Variants in NKAIN2 observed in about 807,000 individuals in gnomAD.
NKAIN2 encodes the protein sodium/potassium-transporting ATPase subunit beta-1-interacting protein 2.
A neutral mutation model predicts 32.6 loss-of-function variants in NKAIN2; 14 were observed. The ratio of observed to expected loss-of-function variants is 0.43; its 90% CI spans 0.28 to 0.67. The LOEUF (loss-of-function observed/expected upper bound fraction) is 0.67. Ranked by LOEUF, NKAIN2 falls within the 30% of genes least tolerant of loss-of-function variation. The probability of loss-of-function intolerance (pLI) is 0.17; values close to 1 mark genes in which losing one functional copy is unlikely to be tolerated. For synonymous variants in NKAIN2, 80 were observed against 87.2 expected, an observed-to-expected ratio of 0.92 and a Z score of 0.46; for missense variants, 198 against 258.3, an observed-to-expected ratio of 0.77 and a Z score of 1.60.
At chr6:124,618,120 T>C (rs996089432) in intron 3 of NKAIN2, among the ~76,000 whole-genome samples, 4 of 152,256 alleles carry the variant, frequency 2.6e-5, no homozygotes, top group South Asian at 2.1e-4. Flanking sequence ...AATTCTATAA[T>C]AATTTTTAGT....
chr6:124,524,667 C>T (rs954309811), intron 3 of NKAIN2, among the ~76,000 whole-genome samples: 7 of 152,158 alleles, frequency 4.6e-5, no homozygotes, highest in African/African-American at 1.7e-4. Flanking sequence ...AAGGAAATAT[C>T]CCAAACTGAC....
intron 4 of NKAIN2, among the ~76,000 whole-genome samples, chr6:124,705,802 G>C (rs1046853326): frequency 2.0e-5 from 3 of 151,980 alleles, no homozygotes; most frequent in Non-Finnish European, 4.4e-5. Context: ...AAAATAGTAC[G>C]GGTTAGAAAA....
intron 1 of NKAIN2, among the ~76,000 whole-genome samples, chr6:123,981,021 C>T (rs1778870603): frequency 6.6e-6 from 1 of 152,154 alleles, no homozygotes; most frequent in South Asian, 2.1e-4. Context: ...AGGCACGCAC[C>T]ACCATGCCCG....
At chr6:124,599,664 A>G (rs1410187473) in intron 3 of NKAIN2, among the ~76,000 whole-genome samples, 1 of 152,158 alleles carries the variant, frequency 6.6e-6, no homozygotes, top group East Asian at 1.9e-4. Flanking sequence ...TCGTTTTTAT[A>G]AAAGGTGCTC....
intron 4 of NKAIN2, among the ~76,000 whole-genome samples, chr6:124,753,448 CA>C (rs1184202394): frequency 2.0e-5 from 3 of 152,112 alleles, no homozygotes; most frequent in Non-Finnish European, 4.4e-5. Flanking sequence ...GCTTTTTACG[CA>C]TGCCATTTAC....
At position 124,605,919 on chromosome 6, in the gene NKAIN2, C is replaced by T. The variant is rs982055458; in HGVS notation, c.274-52267C>T. 3.3e-5 allele frequency among the ~76,000 whole-genome samples: 5 copies of T among 152,074 alleles called. No individual in the cohort carries two copies. The South Asian group carries it at 6.2e-4, about 19-fold the overall frequency. ...TTAGTGGAATTACTATAGCAGAGAGCGCAAGGCCACCTGTGCCTCCAATGG... is the reference window on the plus strand; with the variant it reads ...TTAGTGGAATTACTATAGCAGAGAGTGCAAGGCCACCTGTGCCTCCAATGG... On this transcript the variant is annotated intron_variant, in intron 3 of 6. Coordinates refer to ENST00000368417, the MANE Select transcript of NKAIN2 (RefSeq NM_001040214.3).
At chr6:123,818,744 T>C (rs1179688828) in intron 1 of NKAIN2, among the ~76,000 whole-genome samples, 1 of 152,214 alleles carries the variant, frequency 6.6e-6, no homozygotes, top group Non-Finnish European at 1.5e-5. Flanking sequence ...TTAAATTGCC[T>C]TTCTCTGGAA....
intron 1 of NKAIN2, among the ~76,000 whole-genome samples, chr6:123,879,351 T>C (rs1475298098): frequency 6.6e-6 from 1 of 152,252 alleles, no homozygotes; most frequent in Non-Finnish European, 1.5e-5. Flanking sequence ...TGATCCATAA[T>C]GCAGAATTTC....
intron 1 of NKAIN2, among the ~76,000 whole-genome samples, chr6:123,946,149 A>G (rs1777052658): frequency 6.6e-6 from 1 of 152,176 alleles, no homozygotes; most frequent in Non-Finnish European, 1.5e-5. Context: ...CTAGTCTGCT[A>G]GGTTAATGAG....
chr6:124,105,654 T>C (rs893376474), intron 1 of NKAIN2, among the ~76,000 whole-genome samples: 2 of 152,204 alleles, frequency 1.3e-5, no homozygotes, highest in African/African-American at 4.8e-5. Context: ...GCCAGTCATC[T>C]CCAGTGTTGT....
chr6:124,801,526 T>C (rs1780254979), intron 5 of NKAIN2, among the ~76,000 whole-genome samples: 1 of 152,216 alleles, frequency 6.6e-6, no homozygotes, highest in South Asian at 2.1e-4. Context: ...TTCACTGTGA[T>C]ACCTGAGAGA....
chr6:123,897,114 A>G (rs981026989), intron 1 of NKAIN2, among the ~76,000 whole-genome samples: 1 of 152,126 alleles, frequency 6.6e-6, no homozygotes, highest in Non-Finnish European at 1.5e-5. Flanking sequence ...TAGTAGCTAT[A>G]TCAGTCTGCA....
intron 1 of NKAIN2, among the ~76,000 whole-genome samples, chr6:123,885,045 G>A (rs544071587): frequency 6.6e-6 from 1 of 152,238 alleles, no homozygotes; most frequent in African/African-American, 2.4e-5. Flanking sequence ...AGTTTTAAGA[G>A]ACAGAAAGAA....
intron 1 of NKAIN2, among the ~76,000 whole-genome samples, chr6:124,257,871 A>G (rs1794025298): frequency 6.8e-6 from 1 of 147,918 alleles, no homozygotes; most frequent in Admixed American, 6.9e-5. Flanking sequence ...ATTTGCCTCC[A>G]GGGTTCAAGT....
chr6:124,806,951 T>C (rs1266219554), intron 5 of NKAIN2, among the ~76,000 whole-genome samples: 7 of 152,186 alleles, frequency 4.6e-5, no homozygotes, highest in Non-Finnish European at 1.0e-4. Context: ...ATCCTAAATA[T>C]ATATGCATCC....
chr6:124,197,837 GT>G (rs71541243), intron 1 of NKAIN2, among the ~76,000 whole-genome samples: 45,101 of 94,344 alleles, frequency 0.48, 9,962 homozygotes, highest in South Asian at 0.63. Flanking sequence ...CCTGTGTCTG[GT>G]TTTTTTTTTT....
chr6:124,823,206 T>G lies in NKAIN2; in HGVS notation c.618-14T>G, dbSNP rs2025251. 0.54 allele frequency: 839,676 copies of G among 1,562,882 alleles called. 236,046 individuals are homozygous for G. The highest frequency in any genetic ancestry group is 0.58 in the Non-Finnish European group (651,527 of 1,132,812). ...CTTTCCCCCTTGACTAAAAACATCTTTTCTCTCTCTCAGGTCAAAATAATA... is the reference window on the plus strand; with the variant it reads ...CTTTCCCCCTTGACTAAAAACATCTGTTCTCTCTCTCAGGTCAAAATAATA... On this transcript the variant is annotated splice_polypyrimidine_tract_variant and intron_variant, in intron 6 of 6. Transcript: ENST00000368417.
chr6:124,704,988 A>G (rs1289678960), intron 4 of NKAIN2, among the ~76,000 whole-genome samples: 1 of 152,076 alleles, frequency 6.6e-6, no homozygotes, highest in Non-Finnish European at 1.5e-5. Context: ...GAAATAATTT[A>G]TTTAATTACA....
At chr6:124,732,896 TAATTGCCA>T (rs1298860053) in intron 4 of NKAIN2, among the ~76,000 whole-genome samples, 4 of 152,018 alleles carry the variant, frequency 2.6e-5, no homozygotes, top group Non-Finnish European at 4.4e-5. Flanking sequence ...GTCTTGTTCT[TAATTGCCA>T]AAGATTGGAA....
Sources: allele counts gnomAD v4.1 joint callset (sites outside exome capture counted in the v4.1 genomes callset), GRCh38; gene constraint gnomAD v4.1.1; transcripts MANE v1.5; gene names NCBI Gene and HGNC (gene_info 2026-07-23, HGNC 2026-07-21).